Variants in PTPRD observed in about 807,000 individuals in gnomAD.
PTPRD encodes the protein protein tyrosine phosphatase receptor type D.
In PTPRD, 34 loss-of-function variants were observed where a neutral mutation model predicts 214.5. The ratio of observed to expected loss-of-function variants is 0.16; its 90% CI spans 0.12 to 0.21. The LOEUF (loss-of-function observed/expected upper bound fraction) is 0.21. PTPRD is among the 10% of genes least tolerant of loss of function. The probability of loss-of-function intolerance (pLI) is 1.00; values close to 1 mark genes in which losing one functional copy is unlikely to be tolerated. For synonymous variants in PTPRD, 1,128 were observed against 845.7 expected, an observed-to-expected ratio of 1.33 and a Z score of -5.79; for missense variants, 2,545 against 2,398.7, an observed-to-expected ratio of 1.06 and a Z score of -1.27.
At chr9:8,946,966 G>A (rs2099068645) in intron 11 of PTPRD, among the ~76,000 whole-genome samples, 1 of 145,494 alleles carries the variant, frequency 6.9e-6, no homozygotes, top group African/African-American at 2.5e-5. Flanking sequence ...TCCTATTTCT[G>A]CCTATCTTTT....
intron 11 of PTPRD, among the ~76,000 whole-genome samples, chr9:8,739,624 C>T (rs138764935): frequency 2.0e-5 from 3 of 152,118 alleles, no homozygotes; most frequent in Non-Finnish European, 4.4e-5. Context: ...TCTGAGTTCT[C>T]GTAGTCCTTG....
chr9:8,887,928 C>T (rs1262930173), intron 11 of PTPRD, among the ~76,000 whole-genome samples: 1 of 151,914 alleles, frequency 6.6e-6, no homozygotes, highest in Non-Finnish European at 1.5e-5. Flanking sequence ...AGAACCATCT[C>T]AATTCTTGGA....
chr9:8,421,682 C>T (rs1326140533), intron 35 of PTPRD, among the ~76,000 whole-genome samples: 2 of 152,130 alleles, frequency 1.3e-5, no homozygotes, highest in African/African-American at 2.4e-5. Flanking sequence ...TTTCAAACAA[C>T]TCCTCAGTGC....
chr9:9,326,355 A>G (rs545035690), intron 9 of PTPRD, among the ~76,000 whole-genome samples: 17 of 152,226 alleles, frequency 1.1e-4, no homozygotes, highest in Admixed American at 1.0e-3. Context: ...TTTTTTCAAG[A>G]AGGGTTTGAA....
At chr9:10,060,027 G>A (rs1390593305) in intron 3 of PTPRD, among the ~76,000 whole-genome samples, 1 of 151,884 alleles carries the variant, frequency 6.6e-6, no homozygotes, top group Non-Finnish European at 1.5e-5. Flanking sequence ...AAATCTTTAT[G>A]AATTTCTAGG....
At chr9:9,022,956 G>A (rs1341625704) in intron 10 of PTPRD, among the ~76,000 whole-genome samples, 1 of 152,120 alleles carries the variant, frequency 6.6e-6, no homozygotes, top group East Asian at 1.9e-4. Flanking sequence ...ATTTTTCAAA[G>A]TAATGTTCAG....
At chr9:8,786,057 G>C in intron 11 of PTPRD, among the ~76,000 whole-genome samples, 1 of 104,852 alleles carries the variant, frequency 9.5e-6, no homozygotes, top group Admixed American at 9.4e-5. Context: ...GTGTGTGTGT[G>C]TGTGTGTGTG....
intron 11 of PTPRD, among the ~76,000 whole-genome samples, chr9:8,909,353 A>T (rs10977352): frequency 0.34 from 51,737 of 151,986 alleles, 10,409 homozygotes; most frequent in Non-Finnish European, 0.45. Flanking sequence ...AGACACAACA[A>T]TTTTTCACAA....
At chr9:9,897,205 T>C (rs566564506) in intron 5 of PTPRD, among the ~76,000 whole-genome samples, 100 of 151,954 alleles carry the variant, frequency 6.6e-4, no homozygotes, top group African/African-American at 2.3e-3. Context: ...TAATGCCTAA[T>C]GCCTACTTCA....
intron 3 of PTPRD, among the ~76,000 whole-genome samples, chr9:10,096,795 T>C (rs1214824378): frequency 6.6e-6 from 1 of 152,062 alleles, no homozygotes; most frequent in Admixed American, 6.6e-5. Flanking sequence ...TTTGGTGTTT[T>C]AGACATGAAG....
intron 12 of PTPRD, among the ~76,000 whole-genome samples, chr9:8,680,016 A>G (rs1311599942): frequency 6.6e-6 from 1 of 152,232 alleles, no homozygotes; most frequent in Non-Finnish European, 1.5e-5. Context: ...CAGTACAGTA[A>G]CAAGGAGATT....
chr9:9,159,622 C>T lies in PTPRD; in HGVS notation c.-143+23682G>A, dbSNP rs2099884598. 2.6e-5 allele frequency among the ~76,000 whole-genome samples: 4 copies of T among 152,126 alleles called. No homozygotes were observed. In the South Asian group the frequency reaches 8.3e-4, roughly 32 times the overall value. On this transcript the variant is annotated intron_variant, in intron 10 of 45. Coordinates refer to ENST00000381196, the MANE Select transcript of PTPRD (RefSeq NM_002839.4). ...TGGAAGAACTAATATTGTTAAAATG[C>T]CATTACTACTTCAAGTGATCGACAG... is the stretch of plus-strand genomic sequence containing the variant.
intron 8 of PTPRD, among the ~76,000 whole-genome samples, chr9:9,463,789 C>A (rs7871358): frequency 1.3e-5 from 2 of 150,840 alleles, no homozygotes; most frequent in African/African-American, 4.9e-5. Flanking sequence ...TGAATAAACA[C>A]AGAAGTTTAC....
rs180884393 is a variant in PTPRD, at chr9:9,285,773, T to G, written c.-202-102410A>C. Among the ~76,000 whole-genome samples, 15 of 151,950 alleles carry G rather than the reference T, an allele frequency of 9.9e-5. No homozygotes were observed. The East Asian group carries it at 2.9e-3, about 30-fold the overall frequency. The stretch of plus-strand genomic sequence containing the variant: ...GGCACTAACTTTGATCCTCATTTGT[T>G]TCTTCATCTTAGTAAATGAGATGCA... On this transcript the variant is annotated intron_variant, in intron 9 of 45. Coordinates refer to ENST00000381196, the MANE Select transcript of PTPRD (RefSeq NM_002839.4).
chr9:10,013,897 T>C (rs1234682720), intron 4 of PTPRD, among the ~76,000 whole-genome samples: 1 of 152,000 alleles, frequency 6.6e-6, no homozygotes, highest in African/African-American at 2.4e-5. Flanking sequence ...CTTCTTTGTG[T>C]ATAGCTCTCA....
chr9:9,282,450 T>C (rs781243354), intron 9 of PTPRD, among the ~76,000 whole-genome samples: 1 of 151,350 alleles, frequency 6.6e-6, no homozygotes, highest in African/African-American at 2.4e-5. Flanking sequence ...ATTCAGAAAT[T>C]ATTCTATTGG....
At chr9:9,192,889 C>T (rs961457793) in intron 9 of PTPRD, among the ~76,000 whole-genome samples, 1 of 152,088 alleles carries the variant, frequency 6.6e-6, no homozygotes, top group Non-Finnish European at 1.5e-5. Flanking sequence ...GCTAGAAAAT[C>T]GCAATCATTT....
At chr9:9,925,166 C>T (rs968711468) in intron 5 of PTPRD, among the ~76,000 whole-genome samples, 3 of 152,028 alleles carry the variant, frequency 2.0e-5, no homozygotes, top group African/African-American at 7.2e-5. Context: ...CTACAATTTG[C>T]TCACAAATTT....
In PTPRD at chr9:10,060,884, C is replaced by T. The variant is rs1439616979; in HGVS notation, c.-544-27094G>A. ...TCCTTCCTTCTTTCCTTCCTTCCTTCCTTCCTTCCTTCCTTCTTTCTTTCT... is the reference window on the plus strand; with the variant it reads ...TCCTTCCTTCTTTCCTTCCTTCCTTTCTTCCTTCCTTCCTTCTTTCTTTCT... On this transcript the variant is annotated intron_variant, in intron 3 of 45. Transcript: ENST00000381196. 2.8e-4 allele frequency among the ~76,000 whole-genome samples: 22 copies of T among 78,682 alleles called. 1 individual carries two copies. The highest frequency in any genetic ancestry group is 2.7e-3 in the African/African-American group (16 of 5,852). The allele number at this position is 78,682 out of a possible 152,430, so 51.6% of individuals were successfully genotyped here. A position where few individuals can be genotyped will look rare whatever the true frequency, so the allele number is the denominator to read the frequency against.
Sources: gnomAD v4.1 joint callset for allele counts (sites outside exome capture counted in the v4.1 genomes callset) on GRCh38, gnomAD v4.1.1 for gene constraint, MANE v1.5 for transcripts, NCBI Gene and HGNC (gene_info 2026-07-23, HGNC 2026-07-21) for gene names.